Variants in COL23A1 observed in about 807,000 individuals in gnomAD.
The protein encoded by COL23A1 is collagen alpha-1(XXIII) chain.
In COL23A1, 97 loss-of-function variants were observed where a neutral mutation model predicts 99.3. That is an observed-to-expected ratio of 0.98 (90% confidence interval 0.83 to 1.16). The LOEUF (loss-of-function observed/expected upper bound fraction) is 1.16, where lower values mean the gene tolerates loss of function less well. COL23A1 is among the 50% of genes most tolerant of loss of function. The pLI is 0.00. For missense variants in COL23A1, 762 were observed against 757.4 expected (o/e 1.01, Z -0.07); for synonymous variants, 320 against 308.2 (o/e 1.04, Z -0.40).
Position 178,344,864 on chromosome 5 carries a change from G to A in COL23A1, c.362-37945C>T, listed in dbSNP as rs1315402465. 3.8e-5 allele frequency: 29 copies of A among 754,466 alleles called. No homozygotes were observed. In the East Asian group the frequency reaches 1.1e-3, roughly 29 times the overall value. 46.7% of individuals were successfully genotyped at this position (754,466 alleles called of 1,614,324 possible). A position where few individuals can be genotyped will look rare whatever the true frequency, so the allele number is the denominator to read the frequency against. On this transcript the variant is annotated intron_variant, in intron 2 of 28. Transcript: ENST00000390654. ...GAAGATGGCGGGGCGATCTGTGTCTGGCATTACCAGAAGAGTCTTCATGTG... is the reference window on the plus strand; with the variant it reads ...GAAGATGGCGGGGCGATCTGTGTCTAGCATTACCAGAAGAGTCTTCATGTG...
At chr5:178,416,089 C>CCATT (rs150013493) in intron 2 of COL23A1, among the ~76,000 whole-genome samples, 3,780 of 152,198 alleles carry the variant, frequency 0.025, 64 homozygotes, top group Non-Finnish European at 0.035. Flanking sequence ...CTAAACCCTC[C>CCATT]CATTCATTCA....
intron 1 of COL23A1, among the ~76,000 whole-genome samples, chr5:178,584,774 G>A (rs961497529): frequency 2.6e-5 from 4 of 152,172 alleles, no homozygotes; most frequent in Non-Finnish European, 2.9e-5. Context: ...CAGACACACC[G>A]AGTGGGTGCA....
chr5:178,493,131 A>G (rs970115165), intron 2 of COL23A1, among the ~76,000 whole-genome samples: 1 of 152,192 alleles, frequency 6.6e-6, no homozygotes, highest in Non-Finnish European at 1.5e-5. Context: ...TGAATGAGTG[A>G]GATTCTGGTC....
At chr5:178,263,947 A>G (rs1234085591) in intron 8 of COL23A1, among the ~76,000 whole-genome samples, 1 of 152,220 alleles carries the variant, frequency 6.6e-6, no homozygotes, top group Non-Finnish European at 1.5e-5. Flanking sequence ...AAGTGGAAAA[A>G]GTCCATCTCC....
intron 2 of COL23A1, among the ~76,000 whole-genome samples, chr5:178,505,378 T>A (rs1248163386): frequency 6.6e-6 from 1 of 152,046 alleles, no homozygotes; most frequent in Non-Finnish European, 1.5e-5. Flanking sequence ...GCCTTCTGAG[T>A]ACCTGGGATT....
At chr5:178,442,499 A>G (rs1021506272) in intron 2 of COL23A1, among the ~76,000 whole-genome samples, 2 of 152,186 alleles carry the variant, frequency 1.3e-5, no homozygotes, top group African/African-American at 4.8e-5. Context: ...ATCTAACATG[A>G]TAGGCCCGAG....
chr5:178,307,881 A>G lies in COL23A1; in HGVS notation c.362-962T>C, dbSNP rs750509612. 3.9e-5 allele frequency among the ~76,000 whole-genome samples: 6 copies of G among 152,208 alleles called. No individual in the cohort carries two copies. The highest frequency in any genetic ancestry group is 8.8e-5 in the Non-Finnish European group (6 of 68,036). On this transcript the variant is annotated intron_variant, in intron 2 of 28. Transcript: ENST00000390654. This position sits in a 1 kb window ranked among gnomAD's most constrained non-coding sequence, Gnocchi z 4.2. Reference sequence around the variant, plus strand: ...TGGGACAGGTTGTGACCCTATGACAAGGCACTGCCCTTTCCTGCAAAAGCC... The same window carrying G: ...TGGGACAGGTTGTGACCCTATGACAGGGCACTGCCCTTTCCTGCAAAAGCC...
Position 178,590,077 on chromosome 5 carries a change from G to T in COL23A1, c.121C>A (p.Leu41Met), listed in dbSNP as rs1235103304. The T allele has an allele frequency of 1.5e-6, 2 of 1,315,564 alleles. No homozygotes were observed. Among genetic ancestry groups the T allele is most frequent in the Non-Finnish European group, 1.9e-6 (2 of 1,028,792 alleles). 81.5% of individuals were successfully genotyped at this position (1,315,564 alleles called of 1,614,324 possible). ...GCCGCCGAGCCCACGGAGAGCAGCA[G>T]GCACAGCGCGCTCACCGCCCGGGAC... ...AGSRAVSALC[L>M]LLSVGSAAAC... Residue 41 changes from leucine (L) to methionine (M), a missense_variant, in exon 1 of 29, where the codon CTG becomes ATG. Transcript: ENST00000390654. The surrounding 1 kb of genome is among the most constrained non-coding windows in gnomAD (Gnocchi z 5.7).
At chr5:178,408,719 C>T (rs112657440) in intron 2 of COL23A1, among the ~76,000 whole-genome samples, 15 of 152,116 alleles carry the variant, frequency 9.9e-5, no homozygotes, top group African/African-American at 3.4e-4. Flanking sequence ...CTTTGGGAGG[C>T]GGAGGCAGGC....
chr5:178,252,744 G>T, intron 16 of COL23A1, 147 bp from the exon 17 acceptor site: 1 of 651,764 alleles, frequency 1.5e-6, no homozygotes, highest in Non-Finnish European at 2.6e-6. Flanking sequence ...TCCCCAGTCA[G>T]GTCAGGCCAC....
chr5:178,365,130 T>TGTGTGC lies in COL23A1; in HGVS notation c.362-58217_362-58212dup, dbSNP rs1225269790. On this transcript the variant is annotated intron_variant, in intron 2 of 28. Coordinates refer to ENST00000390654, the MANE Select transcript of COL23A1 (RefSeq NM_173465.4). This position sits in a 1 kb window ranked among gnomAD's most constrained non-coding sequence, Gnocchi z 5.2. ...TGGGGTGGGCTTTATGATGTTGCTG[T>TGTGTGC]GTGTGCGTGTGTGTGTGTGTGTGTG... Among the ~76,000 whole-genome samples the TGTGTGC allele has an allele frequency of 8.8e-6, 1 of 113,516 alleles. No homozygotes were observed. Among genetic ancestry groups the TGTGTGC allele is most frequent in the African/African-American group, 3.4e-5 (1 of 29,568 alleles). 74.5% of individuals were successfully genotyped at this position (113,516 alleles called of 152,430 possible).
At chr5:178,505,870 C>A (rs1004922889) in intron 2 of COL23A1, among the ~76,000 whole-genome samples, 5 of 152,098 alleles carry the variant, frequency 3.3e-5, no homozygotes, top group African/African-American at 1.2e-4. Context: ...CTGTGCCAGA[C>A]AGAGCCTGTC....
At chr5:178,421,777 G>A (rs978520861) in intron 2 of COL23A1, among the ~76,000 whole-genome samples, 2 of 152,346 alleles carry the variant, frequency 1.3e-5, no homozygotes, top group East Asian at 1.9e-4. Context: ...GCTGAGGCAT[G>A]AGAATCGCTT....
In COL23A1 at chr5:178,257,684, T is replaced by C. The variant is rs77831884; in HGVS notation, c.730-117A>G. ...TCCTGGCATCTGCACTGGCACATGG[T>C]ACCAGGCAGCTCCTCCCCACCCTCC... On this transcript the variant is annotated intron_variant, in intron 12 of 28. Transcript: ENST00000390654. The C allele has an allele frequency of 3.9e-3, 3,949 of 1,024,632 alleles. 106 individuals carry two copies. The African/African-American group carries it at 0.055, about 14-fold the overall frequency. 63.5% of individuals were successfully genotyped at this position (1,024,632 alleles called of 1,614,324 possible).
chr5:178,431,298 G>A (rs907132518), intron 2 of COL23A1, among the ~76,000 whole-genome samples: 6 of 152,162 alleles, frequency 3.9e-5, no homozygotes, highest in Admixed American at 6.5e-5. Flanking sequence ...TGGAAAGCTC[G>A]TTCTGGGGGC....
At chr5:178,478,509 C>A (rs1313592933) in intron 2 of COL23A1, among the ~76,000 whole-genome samples, 1 of 152,170 alleles carries the variant, frequency 6.6e-6, no homozygotes, top group Non-Finnish European at 1.5e-5. Flanking sequence ...GGAAGTTGTG[C>A]TTTCCATCCA....
At position 178,590,227 on chromosome 5, in the gene COL23A1, G is replaced by T; in HGVS notation, c.-30C>A. 8.3e-7 allele frequency: 1 copy of T among 1,208,994 alleles called. No individual in the cohort carries two copies. Among genetic ancestry groups the T allele is most frequent in the East Asian group, 3.4e-5 (1 of 29,112 alleles). 74.9% of individuals were successfully genotyped at this position (1,208,994 alleles called of 1,614,324 possible). On this transcript the variant is annotated 5_prime_UTR_variant, in exon 1 of 29. Coordinates refer to ENST00000390654, the MANE Select transcript of COL23A1 (RefSeq NM_173465.4). This position sits in a 1 kb window ranked among gnomAD's most constrained non-coding sequence, Gnocchi z 5.7. The stretch of plus-strand genomic sequence containing the variant: ...CGTTCGTCGCGCGTGGACTCTCCGA[G>T]GGGGCGGTGCTGCTGGGGCAGAGGC...
chr5:178,435,952 A>G (rs1446807557), intron 2 of COL23A1, among the ~76,000 whole-genome samples: 1 of 152,220 alleles, frequency 6.6e-6, no homozygotes, highest in East Asian at 1.9e-4. Context: ...ACAGAACAAG[A>G]GGGAGGCAGC....
intron 2 of COL23A1, among the ~76,000 whole-genome samples, chr5:178,531,852 G>A (rs900904363): frequency 2.6e-5 from 4 of 152,172 alleles, no homozygotes; most frequent in Admixed American, 6.5e-5. Context: ...CATCCTGCAC[G>A]CTCCCTCTGG....
Sources: gnomAD v4.1 joint callset for allele counts (sites outside exome capture counted in the v4.1 genomes callset) on GRCh38, gnomAD v4.1.1 for gene constraint, Gnocchi (gnomAD v3.1) non-coding constraint, MANE v1.5 for transcripts, NCBI Gene and HGNC (gene_info 2026-07-23, HGNC 2026-07-21) for gene names.